Variants in DOCK2 observed in about 807,000 individuals in gnomAD.
The protein encoded by DOCK2 is dedicator of cytokinesis protein 2.
In DOCK2, 87 loss-of-function variants were observed where a neutral mutation model predicts 248.9. The ratio of observed to expected loss-of-function variants is 0.35; its 90% CI spans 0.29 to 0.42. DOCK2 has a LOEUF of 0.42. DOCK2 is among the 10% of genes least tolerant of loss of function. The probability of loss-of-function intolerance (pLI) is 1.00; values close to 1 mark genes in which losing one functional copy is unlikely to be tolerated. For missense variants in DOCK2, 1,747 were observed against 2,300.2 expected (o/e 0.76, Z 4.92); for synonymous variants, 805 against 821.6 (o/e 0.98, Z 0.35).
At chr5:169,639,985 A>G (rs533469201) in intron 1 of DOCK2, among the ~76,000 whole-genome samples, 2 of 152,338 alleles carry the variant, frequency 1.3e-5, no homozygotes, top group African/African-American at 4.8e-5. Flanking sequence ...CTCATGGCCT[A>G]TCTCCATGGT....
chr5:169,875,102 C>T (rs1772237782), intron 27 of DOCK2: 1 of 423,634 alleles, frequency 2.4e-6, no homozygotes, highest in Admixed American at 2.6e-5. Context: ...ATTTTACAAG[C>T]AAGTATTTTT....
At position 169,753,022 on chromosome 5, in the gene DOCK2, G is replaced by A. The variant is rs532850564; in HGVS notation, c.2376+5518G>A. 5.3e-5 allele frequency among the ~76,000 whole-genome samples: 8 copies of A among 152,154 alleles called. No homozygotes were observed. The South Asian group carries it at 6.2e-4, about 12-fold the overall frequency. On this transcript the variant is annotated intron_variant, in intron 23 of 51. Transcript: ENST00000520908. Reference sequence around the variant, plus strand: ...GGAGGTTGCAGTGAGCCGAGATTGCGCCATTGCACTCCAGCCTGGCGACAG... The same window carrying A: ...GGAGGTTGCAGTGAGCCGAGATTGCACCATTGCACTCCAGCCTGGCGACAG...
intron 32 of DOCK2, among the ~76,000 whole-genome samples, chr5:170,009,339 C>T (rs946427251): frequency 1.3e-5 from 2 of 152,086 alleles, no homozygotes; most frequent in Non-Finnish European, 1.5e-5. Flanking sequence ...ATCTTCACAT[C>T]ACTTCCTGTA....
At chr5:169,658,498 A>AAAC (rs1758253275) in intron 2 of DOCK2, among the ~76,000 whole-genome samples, 1 of 151,336 alleles carries the variant, frequency 6.6e-6, no homozygotes, top group Non-Finnish European at 1.5e-5. Context: ...AAAAAAAAAA[A>AAAC]AAATGTATTT....
At chr5:169,856,641 C>T (rs1770913298) in intron 27 of DOCK2, among the ~76,000 whole-genome samples, 1 of 152,214 alleles carries the variant, frequency 6.6e-6, no homozygotes, top group Non-Finnish European at 1.5e-5. Context: ...AAGACAATGA[C>T]ACCAGCAAGT....
intron 1 of DOCK2, among the ~76,000 whole-genome samples, chr5:169,646,168 G>A (rs760944821): frequency 2.6e-5 from 4 of 152,292 alleles, no homozygotes; most frequent in Admixed American, 6.5e-5. Flanking sequence ...TGGCTGGCCA[G>A]TTTTCCCAGC....
At chr5:170,082,711 CT>C in intron 51 of DOCK2, 84 bp from the exon 52 acceptor site, 2 of 1,550,862 alleles carry the variant, frequency 1.3e-6, no homozygotes, top group South Asian at 1.2e-5. Context: ...TGTTGAGGCC[CT>C]TGTGATTAGG....
At chr5:169,882,634 G>T in intron 27 of DOCK2, 1 of 1,551,978 alleles carries the variant, frequency 6.4e-7, no homozygotes, top group Non-Finnish European at 8.7e-7. Context: ...CGAGTGCAGA[G>T]ATTCCTCCAC....
At chr5:170,043,913 A>G (rs933198727) in intron 38 of DOCK2, among the ~76,000 whole-genome samples, 2 of 152,262 alleles carry the variant, frequency 1.3e-5, no homozygotes, top group African/African-American at 2.4e-5. Context: ...CAAAACAGAC[A>G]TGCCAATAAT....
chr5:169,862,647 T>C (rs534445837), intron 27 of DOCK2, among the ~76,000 whole-genome samples: 1 of 152,370 alleles, frequency 6.6e-6, no homozygotes, highest in South Asian at 2.1e-4. Context: ...AACATTACAC[T>C]AGAAACAGAA....
At chr5:169,889,183 G>C (rs1189540225) in intron 27 of DOCK2, among the ~76,000 whole-genome samples, 1 of 152,082 alleles carries the variant, frequency 6.6e-6, no homozygotes, top group East Asian at 1.9e-4. Context: ...TGGAATAGTT[G>C]GATAGTTGCA....
chr5:169,767,825 G>C (rs1764874917), intron 25 of DOCK2, among the ~76,000 whole-genome samples: 1 of 152,138 alleles, frequency 6.6e-6, no homozygotes. Flanking sequence ...TATATATTAA[G>C]TTTTTACAAA....
chr5:169,786,785 A>G (rs151058738), intron 25 of DOCK2, among the ~76,000 whole-genome samples: 17 of 152,320 alleles, frequency 1.1e-4, no homozygotes, highest in Admixed American at 6.5e-4. Context: ...CTATGTATAC[A>G]TGTACACACA....
chr5:169,681,091 A>T (rs1295208673), intron 6 of DOCK2, among the ~76,000 whole-genome samples: 1 of 133,042 alleles, frequency 7.5e-6, no homozygotes, highest in African/African-American at 2.8e-5. Flanking sequence ...CTGTTGATTT[A>T]GCCATTTCTC....
chr5:169,783,048 C>G (rs1466165349), intron 25 of DOCK2, among the ~76,000 whole-genome samples: 3 of 152,146 alleles, frequency 2.0e-5, no homozygotes, highest in Non-Finnish European at 1.5e-5. Flanking sequence ...CAAAATGAGG[C>G]ATTCTTTATT....
intron 27 of DOCK2, chr5:169,883,718 C>T (rs756125744): frequency 6.4e-7 from 1 of 1,551,520 alleles, no homozygotes. Context: ...ACAGCCGGGT[C>T]TTCTGGAGTT....
At chr5:169,978,403 G>A (rs1413795467) in intron 27 of DOCK2, among the ~76,000 whole-genome samples, 1 of 133,482 alleles carries the variant, frequency 7.5e-6, no homozygotes, top group Non-Finnish European at 1.6e-5. Context: ...GGGGGGGGGG[G>A]GGTGTAGGTG....
chr5:170,069,916 C>T (rs543570299), intron 46 of DOCK2, among the ~76,000 whole-genome samples: 21 of 152,234 alleles, frequency 1.4e-4, no homozygotes, highest in African/African-American at 4.6e-4. Context: ...TCTTAGAAGC[C>T]TGCACTTCTA....
chr5:169,998,967 A>G (rs1424743045), intron 30 of DOCK2, among the ~76,000 whole-genome samples: 1 of 152,116 alleles, frequency 6.6e-6, no homozygotes, highest in Non-Finnish European at 1.5e-5. Flanking sequence ...AACTTGGAAC[A>G]CCATACCTAG....
Sources: gnomAD v4.1 joint callset for allele counts (sites outside exome capture counted in the v4.1 genomes callset) on GRCh38, gnomAD v4.1.1 for gene constraint, MANE v1.5 for transcripts, NCBI Gene and HGNC (gene_info 2026-07-23, HGNC 2026-07-21) for gene names.